NEK11: variants seen among roughly 807,000 people sequenced by gnomAD.
The protein encoded by NEK11 is serine/threonine-protein kinase Nek11.
A neutral mutation model predicts 80.7 loss-of-function variants in NEK11; 72 were observed. The ratio of observed to expected loss-of-function variants is 0.89; its 90% CI spans 0.74 to 1.08. NEK11 has a LOEUF of 1.08. Among genes scored for constraint, NEK11 ranks in the 50% least tolerant of loss-of-function variants. NEK11 has a pLI of 0.00. For missense variants in NEK11, 764 were observed against 763.6 expected (o/e 1.00, Z -0.01); for synonymous variants, 251 against 260.7 (o/e 0.96, Z 0.36).
chr3:131,316,679 A>AT, intron 17 of NEK11, among the ~76,000 whole-genome samples: 1 of 152,136 alleles, frequency 6.6e-6, no homozygotes, highest in Non-Finnish European at 1.5e-5. Context: ...CAGTATCTTT[A>AT]TGTCATCCTG....
chr3:131,190,487 C>G (rs1025139920), intron 14 of NEK11, among the ~76,000 whole-genome samples: 1 of 152,020 alleles, frequency 6.6e-6, no homozygotes, highest in Non-Finnish European at 1.5e-5. Flanking sequence ...GCTTCTTCCC[C>G]CTTCTTGTTC....
chr3:131,211,245 T>C (rs1432263051), intron 14 of NEK11, among the ~76,000 whole-genome samples: 1 of 152,194 alleles, frequency 6.6e-6, no homozygotes, highest in African/African-American at 2.4e-5. Context: ...TTAGTTTGGC[T>C]GGATATGAAA....
intron 14 of NEK11, chr3:131,184,785 A>G (rs772382417): frequency 5.2e-5 from 57 of 1,097,214 alleles, no homozygotes; most frequent in Non-Finnish European, 6.2e-5. Context: ...AGAATCCTCC[A>G]TGCATACTTT....
At chr3:131,131,381 T>C (rs2084447173) in intron 5 of NEK11, among the ~76,000 whole-genome samples, 1 of 152,172 alleles carries the variant, frequency 6.6e-6, no homozygotes, top group Non-Finnish European at 1.5e-5. Flanking sequence ...ACTTACTAAT[T>C]ATTGATTGAA....
chr3:131,224,945 A>C (rs1340701262), intron 14 of NEK11, among the ~76,000 whole-genome samples: 1 of 152,238 alleles, frequency 6.6e-6, no homozygotes, highest in Non-Finnish European at 1.5e-5. Context: ...AGTTTAAAAA[A>C]TGTACAGTAA....
chr3:131,162,794 T>G, intron 11 of NEK11, among the ~76,000 whole-genome samples: 1 of 152,144 alleles, frequency 6.6e-6, no homozygotes, highest in South Asian at 2.1e-4. Context: ...AGGGTCAGTT[T>G]CCAAACGAAA....
intron 5 of NEK11, among the ~76,000 whole-genome samples, chr3:131,112,239 A>G (rs2080255141): frequency 6.6e-6 from 1 of 152,176 alleles, no homozygotes; most frequent in South Asian, 2.1e-4. Flanking sequence ...TTACTATTCT[A>G]TAATTTAAAA....
intron 5 of NEK11, among the ~76,000 whole-genome samples, chr3:131,129,185 G>T (rs1296458850): frequency 6.6e-6 from 1 of 151,438 alleles, no homozygotes; most frequent in African/African-American, 2.4e-5. Flanking sequence ...CAAGTAGCTG[G>T]GACTACAGGT....
chr3:131,344,709 C>A (rs961868803), intron 17 of NEK11, among the ~76,000 whole-genome samples: 4 of 152,140 alleles, frequency 2.6e-5, no homozygotes, highest in Non-Finnish European at 5.9e-5. Flanking sequence ...CCTTAGCGAG[C>A]TTTTACTTAT....
chr3:131,308,097 T>G (rs535196768), intron 17 of NEK11, among the ~76,000 whole-genome samples: 1 of 152,364 alleles, frequency 6.6e-6, no homozygotes, highest in South Asian at 2.1e-4. Context: ...AGTATGCTTC[T>G]CTACTGTCAT....
At chr3:131,156,808 C>A (rs1284907077) in intron 10 of NEK11, among the ~76,000 whole-genome samples, 1 of 152,106 alleles carries the variant, frequency 6.6e-6, no homozygotes, top group Non-Finnish European at 1.5e-5. Context: ...GGGGTTATTA[C>A]CTGCTAAAAT....
At chr3:131,043,249 A>G (rs752526348) in intron 3 of NEK11, among the ~76,000 whole-genome samples, 2 of 152,238 alleles carry the variant, frequency 1.3e-5, no homozygotes, top group Non-Finnish European at 2.9e-5. Context: ...ACAAAACTGG[A>G]TGGAGAATGA....
intron 3 of NEK11, among the ~76,000 whole-genome samples, chr3:131,060,978 A>G (rs1415595522): frequency 2.0e-5 from 3 of 152,114 alleles, no homozygotes; most frequent in Admixed American, 2.0e-4. Context: ...GTTTGTTTTT[A>G]TATTCCCAGT....
chr3:131,198,600 T>C (rs2094115781), intron 14 of NEK11, among the ~76,000 whole-genome samples: 1 of 152,216 alleles, frequency 6.6e-6, no homozygotes, highest in Non-Finnish European at 1.5e-5. Context: ...CCAATACCCG[T>C]AAACAATGTG....
At chr3:131,197,848 C>A (rs1157934038) in intron 14 of NEK11, among the ~76,000 whole-genome samples, 1 of 152,242 alleles carries the variant, frequency 6.6e-6, no homozygotes, top group East Asian at 1.9e-4. Context: ...AGGGTCCTGC[C>A]TTGCAGCTCT....
chr3:131,035,245 C>A (rs1275510764), intron 3 of NEK11, among the ~76,000 whole-genome samples: 4 of 152,108 alleles, frequency 2.6e-5, no homozygotes, highest in African/African-American at 9.7e-5. Flanking sequence ...ATTTTCTACC[C>A]AGTTATGGAA....
chr3:131,316,630 TTTTC>T (rs146548641), intron 17 of NEK11, among the ~76,000 whole-genome samples: 2,989 of 152,344 alleles, frequency 0.02, 95 homozygotes, highest in African/African-American at 0.062. Context: ...GCTTTTTTGT[TTTTC>T]TTTGTTTTTG....
intron 4 of NEK11, among the ~76,000 whole-genome samples, chr3:131,087,161 G>A (rs1390845877): frequency 4.7e-5 from 7 of 147,982 alleles, no homozygotes; most frequent in African/African-American, 1.7e-4. Context: ...AGTAAAGCTA[G>A]TTTTTACCTC....
chr3:131,251,465 A>C (rs1396218633), intron 16 of NEK11, among the ~76,000 whole-genome samples: 3 of 152,116 alleles, frequency 2.0e-5, no homozygotes, highest in African/African-American at 7.2e-5. Flanking sequence ...ATTTCTGAGA[A>C]GATTATAGTA....
Sources: allele counts gnomAD v4.1 joint callset (sites outside exome capture counted in the v4.1 genomes callset), GRCh38; gene constraint gnomAD v4.1.1; transcripts MANE v1.5; gene names NCBI Gene and HGNC (gene_info 2026-07-23, HGNC 2026-07-21).